Variants in CCSER1 observed in about 807,000 individuals in gnomAD.
CCSER1 encodes the protein serine-rich coiled-coil domain-containing protein 1.
In CCSER1, 41 loss-of-function variants were observed where a neutral mutation model predicts 82.0. The ratio of observed to expected loss-of-function variants is 0.50; its 90% CI spans 0.39 to 0.65. The LOEUF (loss-of-function observed/expected upper bound fraction) is 0.65. Ranked by LOEUF, CCSER1 falls within the 30% of genes least tolerant of loss-of-function variation. The pLI is 0.00. For synonymous variants in CCSER1, 414 were observed against 383.9 expected, an observed-to-expected ratio of 1.08 and a Z score of -0.92; for missense variants, 1,119 against 1,064.2, an observed-to-expected ratio of 1.05 and a Z score of -0.72.
chr4:91,063,313 A>G (rs1387117442), intron 9 of CCSER1, among the ~76,000 whole-genome samples: 3 of 152,132 alleles, frequency 2.0e-5, no homozygotes, highest in African/African-American at 7.2e-5. Flanking sequence ...CTAACTTGAC[A>G]CATAGGATTA....
chr4:90,451,769 A>G lies in CCSER1; in HGVS notation c.1604-16465A>G, dbSNP rs528330835. On this transcript the variant is annotated intron_variant, in intron 4 of 10. Coordinates refer to ENST00000509176, the MANE Select transcript of CCSER1 (RefSeq NM_001145065.2). ...GATATATGAGGCCCTCTTGCTGCCA[A>G]TTTGGCTGCTTGGTCTGCCAACTTA... Among the ~76,000 whole-genome samples the G allele has an allele frequency of 2.3e-4, 35 of 152,298 alleles. No individual in the cohort carries two copies. In the East Asian group the frequency reaches 2.7e-3, roughly 12 times the overall value.
At chr4:90,152,009 T>C (rs890329785) in intron 1 of CCSER1, among the ~76,000 whole-genome samples, 2 of 152,220 alleles carry the variant, frequency 1.3e-5, no homozygotes, top group Non-Finnish European at 2.9e-5. Flanking sequence ...CACCACTGAA[T>C]AAGTTATATT....
intron 5 of CCSER1, among the ~76,000 whole-genome samples, chr4:90,470,157 G>T (rs576960910): frequency 1.3e-5 from 2 of 151,774 alleles, no homozygotes; most frequent in Non-Finnish European, 2.9e-5. Context: ...TAAAATCTTG[G>T]TATGTTTTCT....
chr4:91,062,569 G>A (rs190631406), intron 9 of CCSER1, among the ~76,000 whole-genome samples: 7 of 152,112 alleles, frequency 4.6e-5, no homozygotes, highest in Non-Finnish European at 8.8e-5. Flanking sequence ...GGACTAGCTC[G>A]TAGGTACACC....
chr4:90,517,204 A>G (rs1469961742), intron 5 of CCSER1, among the ~76,000 whole-genome samples: 3 of 152,200 alleles, frequency 2.0e-5, no homozygotes, highest in Admixed American at 6.5e-5. Context: ...TTTATTGAAT[A>G]CTGAACTGAA....
At chr4:91,270,622 C>T (rs904468167) in intron 10 of CCSER1, among the ~76,000 whole-genome samples, 27 of 152,148 alleles carry the variant, frequency 1.8e-4, no homozygotes, top group African/African-American at 6.3e-4. Context: ...GCTCAGTCCT[C>T]ATACTCATCC....
At chr4:91,006,382 T>TA (rs35319129) in intron 9 of CCSER1, among the ~76,000 whole-genome samples, 127,940 of 152,026 alleles carry the variant, frequency 0.84, 54,400 homozygotes, top group Middle Eastern at 0.92. Flanking sequence ...TTCTAACAGT[T>TA]TTTTTGATGC....
chr4:91,518,274 T>TAGTG (rs1760259217), intron 10 of CCSER1, among the ~76,000 whole-genome samples: 1 of 152,106 alleles, frequency 6.6e-6, no homozygotes, highest in Non-Finnish European at 1.5e-5. Context: ...GGCAATCAAT[T>TAGTG]AGTGCTATTG....
Position 90,410,225 on chromosome 4 carries a change from G to A in CCSER1, c.1603+10096G>A, listed in dbSNP as rs573925430. Among the ~76,000 whole-genome samples the A allele has an allele frequency of 4.0e-3, 605 of 152,268 alleles. 8 individuals are homozygous for A. Among genetic ancestry groups the A allele is most frequent in the African/African-American group, 0.014 (571 of 41,546 alleles). ...CTGTCAACATTAGACAGATCAATGA[G>A]ACAGAAAGTTAGCAAGGATATCCAG... On this transcript the variant is annotated intron_variant, in intron 4 of 10. Transcript: ENST00000509176.
intron 5 of CCSER1, among the ~76,000 whole-genome samples, chr4:90,569,172 T>C (rs1779799907): frequency 6.6e-6 from 1 of 152,100 alleles, no homozygotes; most frequent in Admixed American, 6.6e-5. Flanking sequence ...TACAAAAACA[T>C]ATAACTGGTT....
chr4:91,145,729 T>C (rs1173648409), intron 10 of CCSER1, among the ~76,000 whole-genome samples: 2 of 152,194 alleles, frequency 1.3e-5, no homozygotes, highest in African/African-American at 4.8e-5. Flanking sequence ...TGGCAGGATA[T>C]GAAATTGTTG....
At chr4:90,139,320 A>G (rs1280500128) in intron 1 of CCSER1, among the ~76,000 whole-genome samples, 3 of 152,164 alleles carry the variant, frequency 2.0e-5, no homozygotes, top group East Asian at 1.9e-4. Flanking sequence ...TTTTCTGAAC[A>G]GTTTAGGTTC....
intron 7 of CCSER1, among the ~76,000 whole-genome samples, chr4:90,808,327 T>G (rs531777383): frequency 6.6e-6 from 1 of 152,176 alleles, no homozygotes; most frequent in African/African-American, 2.4e-5. Context: ...GGACATTGGC[T>G]TAGGCAAAGA....
intron 4 of CCSER1, among the ~76,000 whole-genome samples, chr4:90,413,233 T>C (rs1755169668): frequency 6.6e-6 from 1 of 152,116 alleles, no homozygotes; most frequent in Non-Finnish European, 1.5e-5. Flanking sequence ...CTTAGGAATA[T>C]ACCTAACCAA....
chr4:91,435,916 G>A (rs543030788), intron 10 of CCSER1, among the ~76,000 whole-genome samples: 17 of 152,226 alleles, frequency 1.1e-4, no homozygotes, highest in African/African-American at 3.1e-4. Context: ...CAACTGGAAC[G>A]CAACATCATA....
chr4:90,831,795 AC>A, intron 8 of CCSER1, among the ~76,000 whole-genome samples: 1 of 152,246 alleles, frequency 6.6e-6, no homozygotes, highest in East Asian at 1.9e-4. Context: ...ATTTTTGAAA[AC>A]TTTTTAAATG....
chr4:90,783,005 C>G (rs950782658), intron 7 of CCSER1, among the ~76,000 whole-genome samples: 2 of 152,088 alleles, frequency 1.3e-5, no homozygotes, highest in African/African-American at 4.8e-5. Context: ...GCAATTTTGG[C>G]TCACTGCAAC....
At chr4:91,034,095 C>G (rs938385022) in intron 9 of CCSER1, among the ~76,000 whole-genome samples, 1 of 152,164 alleles carries the variant, frequency 6.6e-6, no homozygotes, top group African/African-American at 2.4e-5. Flanking sequence ...ATGAGATTGC[C>G]TTTACTGTCT....
At chr4:91,028,828 G>A (rs1451752611) in intron 9 of CCSER1, among the ~76,000 whole-genome samples, 1 of 151,986 alleles carries the variant, frequency 6.6e-6, no homozygotes, top group Admixed American at 6.6e-5. Flanking sequence ...TAACCAGAGG[G>A]AATGCTTTTG....
Sources: gnomAD v4.1 joint callset for allele counts (sites outside exome capture counted in the v4.1 genomes callset) on GRCh38, gnomAD v4.1.1 for gene constraint, MANE v1.5 for transcripts, NCBI Gene and HGNC (gene_info 2026-07-23, HGNC 2026-07-21) for gene names.